NCR3LG1: variants seen among roughly 807,000 people sequenced by gnomAD.
NCR3LG1 encodes the protein natural killer cell cytotoxicity receptor 3 ligand 1.
Under a neutral mutation model 34.8 loss-of-function variants are expected in NCR3LG1, and 35 were observed. That is an observed-to-expected ratio of 1.01 (90% confidence interval 0.77 to 1.33). The LOEUF is 1.33. Ranked by LOEUF, NCR3LG1 falls within the 40% of genes most tolerant of loss-of-function variation. The probability of loss-of-function intolerance (pLI) is 0.00; values close to 1 mark genes in which losing one functional copy is unlikely to be tolerated. For synonymous variants in NCR3LG1, 173 were observed against 163.6 expected (o/e 1.06, Z -0.44); for missense variants, 452 against 423.3 (o/e 1.07, Z -0.60).
intron 1 of NCR3LG1, 137 bp from the exon 2 acceptor site, chr11:17,356,514 C>A: frequency 1.5e-6 from 1 of 646,934 alleles, no homozygotes; most frequent in Non-Finnish European, 2.6e-6. Flanking sequence ...CCCAAAGGCC[C>A]TGCCTCCAGA....
Position 17,377,033 on chromosome 11 carries a change from G to A in NCR3LG1, c.*4521G>A, listed in dbSNP as rs1249247878. ...GGCCTTCCCAGACATGCACCCTCATGGGATTCCAGACCCCCTGTATGATGC... is the reference window on the plus strand; with the variant it reads ...GGCCTTCCCAGACATGCACCCTCATAGGATTCCAGACCCCCTGTATGATGC... On this transcript the variant is annotated 3_prime_UTR_variant, in exon 5 of 5. Coordinates refer to ENST00000338965, the MANE Select transcript of NCR3LG1 (RefSeq NM_001202439.3). 6.6e-6 allele frequency: 1 copy of A among 152,128 alleles called. No homozygotes were observed. The highest frequency in any genetic ancestry group is 1.5e-5 in the Non-Finnish European group (1 of 68,036). 9.4% of individuals were successfully genotyped at this position (152,128 alleles called of 1,614,324 possible). A position where few individuals can be genotyped will look rare whatever the true frequency, so the allele number is the denominator to read the frequency against.
At chr11:17,365,516 T>A (rs1479494848) in intron 2 of NCR3LG1, among the ~76,000 whole-genome samples, 1 of 152,216 alleles carries the variant, frequency 6.6e-6, no homozygotes, top group Non-Finnish European at 1.5e-5. Context: ...TCTTCTTAAG[T>A]AATACAGAAA....
chr11:17,356,136 CTTT>C (rs71457872), intron 1 of NCR3LG1, among the ~76,000 whole-genome samples: 1 of 104,538 alleles, frequency 9.6e-6, no homozygotes, highest in Admixed American at 1.1e-4. Context: ...TTCTTTCTTT[CTTT>C]TTTTTTTTTT....
In NCR3LG1 at chr11:17,376,410, T is replaced by G. The variant is rs187884785; in HGVS notation, c.*3898T>G. ...AGTCTGCTAGGACTTTTTATTGGGT[T>G]TGGTAATACGTCACACCCTTTAGCC... On this transcript the variant is annotated 3_prime_UTR_variant, in exon 5 of 5. Coordinates refer to ENST00000338965, the MANE Select transcript of NCR3LG1 (RefSeq NM_001202439.3). The G allele has an allele frequency of 5.3e-5, 8 of 152,314 alleles. No individual in the cohort carries two copies. In the East Asian group the frequency reaches 1.3e-3, roughly 26 times the overall value. The allele number at this position is 152,314 out of a possible 1,614,324, so 9.4% of individuals were successfully genotyped here.
intron 2 of NCR3LG1, among the ~76,000 whole-genome samples, chr11:17,364,530 C>T (rs1442778947): frequency 1.3e-5 from 2 of 149,668 alleles, no homozygotes; most frequent in Non-Finnish European, 3.0e-5. Context: ...TTCAAGCTCA[C>T]TGATTCTTTC....
Position 17,376,641 on chromosome 11 carries a change from C to G in NCR3LG1, c.*4129C>G, listed in dbSNP as rs1240303410. On this transcript the variant is annotated 3_prime_UTR_variant, in exon 5 of 5. Transcript: ENST00000338965. ...TATGGGAACACTTTCAACTGAGTAA[C>G]TAACTCCTCCCAGGAAAGCATTTCC... 6.6e-6 allele frequency: 1 copy of G among 152,176 alleles called. No individual in the cohort carries two copies. The highest frequency in any genetic ancestry group is 2.4e-5 in the African/African-American group (1 of 41,444). 9.4% of individuals were successfully genotyped at this position (152,176 alleles called of 1,614,324 possible).
At chr11:17,362,729 T>C (rs1344194439) in intron 2 of NCR3LG1, among the ~76,000 whole-genome samples, 3 of 99,010 alleles carry the variant, frequency 3.0e-5, no homozygotes, top group Non-Finnish European at 3.8e-5. Flanking sequence ...TCTTTCTTTC[T>C]TTCTTTCTTT....
chr11:17,371,985 T>G (rs1564859503), intron 4 of NCR3LG1, 21 bp from the exon 5 acceptor site: 1 of 690,692 alleles, frequency 1.4e-6, no homozygotes, highest in African/African-American at 1.8e-5. Flanking sequence ...AAGGGATGCC[T>G]TTTCTCTCCT....
intron 1 of NCR3LG1, among the ~76,000 whole-genome samples, chr11:17,354,082 A>G (rs1343394279): frequency 6.6e-6 from 1 of 152,220 alleles, no homozygotes; most frequent in African/African-American, 2.4e-5. Flanking sequence ...TGATATAGAA[A>G]ATGTTTTAAA....
At chr11:17,352,144 C>G in intron 1 of NCR3LG1, 105 bp downstream of exon 1, 1 of 579,922 alleles carries the variant, frequency 1.7e-6, no homozygotes, top group Non-Finnish European at 2.9e-6. Flanking sequence ...TTCCTGGGGG[C>G]TGAGAGCTCT....
downstream of NCR3LG1, among the ~76,000 whole-genome samples, chr11:17,377,756 A>G (rs1438805924): frequency 6.6e-6 from 1 of 152,166 alleles, no homozygotes; most frequent in Non-Finnish European, 1.5e-5. Context: ...CTCCCTAGGC[A>G]CTGGAAGGGA....
At chr11:17,357,265 C>T (rs531142102) in intron 2 of NCR3LG1, among the ~76,000 whole-genome samples, 1 of 152,172 alleles carries the variant, frequency 6.6e-6, no homozygotes, top group African/African-American at 2.4e-5. Context: ...TTGGTTTCTT[C>T]TGAGGCCTCT....
chr11:17,377,694 C>T (rs769815584), downstream of NCR3LG1, among the ~76,000 whole-genome samples: 4 of 152,154 alleles, frequency 2.6e-5, no homozygotes, highest in South Asian at 4.1e-4. Flanking sequence ...TAGAACTGGC[C>T]CTTCAGGGGA....
At position 17,372,306 on chromosome 11, in the gene NCR3LG1, C is replaced by T. The variant is rs1162731273; in HGVS notation, c.1159C>T (p.Pro387Ser). The change falls in exon 5 of 5, where the codon CCT (proline) becomes TCT (serine). Residue 387 changes from proline to serine, a missense_variant. Coordinates refer to ENST00000338965, the MANE Select transcript of NCR3LG1 (RefSeq NM_001202439.3). ...PDLCQCCRIDPALLTVTSGKS... is the reference protein window; with the variant it reads ...PDLCQCCRIDSALLTVTSGKS... ...TCTTTGTCAGTGTTGTAGAATTGAC[C>T]CTGCTCTCCTAACAGTTACATCAGG... 1 of 703,058 alleles carries T rather than the reference C, an allele frequency of 1.4e-6. No individual in the cohort carries two copies. The highest frequency in any genetic ancestry group is 2.0e-5 in the Admixed American group (1 of 50,014). The allele number at this position is 703,058 out of a possible 1,614,324, so 43.6% of individuals were successfully genotyped here.
intron 2 of NCR3LG1, among the ~76,000 whole-genome samples, chr11:17,358,033 T>G (rs983452895): frequency 1.3e-5 from 2 of 152,168 alleles, no homozygotes; most frequent in African/African-American, 4.8e-5. Flanking sequence ...TTAATAGACT[T>G]TTTTTAAGGA....
chr11:17,369,308 A>G (rs2018218), intron 4 of NCR3LG1, among the ~76,000 whole-genome samples: 74,080 of 152,116 alleles, frequency 0.49, 18,771 homozygotes, highest in African/African-American at 0.63. Flanking sequence ...CTATGTGTGG[A>G]CTGCTTGTTT....
rs1051685096 is a variant in NCR3LG1, at chr11:17,376,547, G to C, written c.*4035G>C. 1 of 152,196 alleles carries C rather than the reference G, an allele frequency of 6.6e-6. No homozygotes were observed. Among genetic ancestry groups the C allele is most frequent in the Non-Finnish European group, 1.5e-5 (1 of 68,046 alleles). The allele number at this position is 152,196 out of a possible 1,614,324, so 9.4% of individuals were successfully genotyped here. On this transcript the variant is annotated 3_prime_UTR_variant, in exon 5 of 5. Coordinates refer to ENST00000338965, the MANE Select transcript of NCR3LG1 (RefSeq NM_001202439.3). Reference sequence around the variant, plus strand: ...ACCTCTTGATGACTTGGTATTTACTGTCTTAGCATTCCCTTTGTTAGCTTT... The same window carrying C: ...ACCTCTTGATGACTTGGTATTTACTCTCTTAGCATTCCCTTTGTTAGCTTT...
intron 2 of NCR3LG1, among the ~76,000 whole-genome samples, chr11:17,363,181 C>G (rs147160201): frequency 0.1 from 15,655 of 150,784 alleles, 2,685 homozygotes; most frequent in African/African-American, 0.36. Flanking sequence ...ACCTTGGTCT[C>G]CCAAAGTGCT....
intron 1 of NCR3LG1, among the ~76,000 whole-genome samples, chr11:17,355,747 T>C (rs530057582): frequency 1.4e-4 from 22 of 152,316 alleles, no homozygotes; most frequent in Middle Eastern, 3.4e-3. Context: ...GCTGTATCTT[T>C]ACGTGGTGGA....
Sources: gnomAD v4.1 joint callset for allele counts (sites outside exome capture counted in the v4.1 genomes callset) on GRCh38, gnomAD v4.1.1 for gene constraint, MANE v1.5 for transcripts, NCBI Gene and HGNC (gene_info 2026-07-23, HGNC 2026-07-21) for gene names.